Variants in DCPH1 observed in about 807,000 individuals in gnomAD.
DCPH1 encodes damage control phosphatase 1.
the DCPH1 span, among the ~76,000 whole-genome samples, chr6:151,463,883 A>G: frequency 6.6e-6 from 1 of 152,334 alleles, no homozygotes; most frequent in South Asian, 2.1e-4. Context: ...GCCATGCCAC[A>G]TATATCACCT....
At chr6:151,468,604 C>T in the DCPH1 span, 1 of 1,614,100 alleles carries the variant, frequency 6.2e-7, no homozygotes, top group Admixed American at 1.7e-5. Flanking sequence ...GTCCTCTGAA[C>T]TGGCTACTGA....
chr6:151,461,802 C>T, the DCPH1 span, among the ~76,000 whole-genome samples: 7 of 152,112 alleles, frequency 4.6e-5, no homozygotes, highest in African/African-American at 7.2e-5. Context: ...ACTGGTTCAG[C>T]GAACAGATTG....
At chr6:151,463,280 T>G in the DCPH1 span, among the ~76,000 whole-genome samples, 1 of 152,338 alleles carries the variant, frequency 6.6e-6, no homozygotes, top group African/African-American at 2.4e-5. Flanking sequence ...TATTTGGAAC[T>G]TCTTTCAGAG....
the DCPH1 span, chr6:151,468,480 G>A: frequency 5.0e-6 from 8 of 1,613,684 alleles, no homozygotes; most frequent in Non-Finnish European, 5.1e-6. Context: ...TTTGGTCATT[G>A]CTTAGCAATT....
chr6:151,460,794 C>CA, the DCPH1 span, among the ~76,000 whole-genome samples: 181 of 149,992 alleles, frequency 1.2e-3, 1 homozygote, highest in African/African-American at 4.1e-3. Flanking sequence ...AAAAAAAAAA[C>CA]AAAAAAACAA....
chr6:151,454,695 A>C, the DCPH1 span: 1 of 963,610 alleles, frequency 1.0e-6, no homozygotes, highest in Non-Finnish European at 1.6e-6. Context: ...TAATTTCTCA[A>C]CAGAAACATA....
the DCPH1 span, among the ~76,000 whole-genome samples, chr6:151,454,932 C>G: frequency 1.3e-5 from 2 of 152,276 alleles, no homozygotes; most frequent in Non-Finnish European, 2.9e-5. Context: ...AACAGACTTG[C>G]AATTGACTTA....
chr6:151,462,293 G>C, the DCPH1 span, among the ~76,000 whole-genome samples: 1 of 152,192 alleles, frequency 6.6e-6, no homozygotes, highest in East Asian at 1.9e-4. Flanking sequence ...CCCAGATCAA[G>C]AGACGGAACC....
chr6:151,455,672 C>G, the DCPH1 span, among the ~76,000 whole-genome samples: 4 of 152,162 alleles, frequency 2.6e-5, no homozygotes, highest in Non-Finnish European at 5.9e-5. Context: ...TGCCCAGGGA[C>G]GGGCAGGAGA....
At chr6:151,461,213 T>C in the DCPH1 span, among the ~76,000 whole-genome samples, 9 of 152,062 alleles carry the variant, frequency 5.9e-5, no homozygotes, top group Non-Finnish European at 1.3e-4. Flanking sequence ...GCATCTTGAG[T>C]GGGGTTGGTG....
the DCPH1 span, among the ~76,000 whole-genome samples, chr6:151,462,161 TTGAAAGA>T: frequency 6.6e-6 from 1 of 152,224 alleles, no homozygotes; most frequent in Admixed American, 6.5e-5. Context: ...ACTTCAGATA[TTGAAAGA>T]TGAAAGTACA....
the DCPH1 span, among the ~76,000 whole-genome samples, chr6:151,460,696 A>G: frequency 9.9e-5 from 15 of 152,010 alleles, no homozygotes; most frequent in African/African-American, 2.9e-4. Flanking sequence ...AGGCAGGAGA[A>G]TCACTTGAAC....
chr6:151,468,990 A>T, the DCPH1 span: 1 of 1,614,270 alleles, frequency 6.2e-7, no homozygotes, highest in South Asian at 1.1e-5. Context: ...CCATAAGAAC[A>T]TTAAAAGCTG....
At chr6:151,469,193 G>A in the DCPH1 span, 7 of 1,213,552 alleles carry the variant, frequency 5.8e-6, no homozygotes, top group African/African-American at 3.1e-5. Context: ...GAATTGAGTC[G>A]CCTGGCGGCT....
At chr6:151,452,639 G>T in the DCPH1 span, 1 of 1,571,108 alleles carries the variant, frequency 6.4e-7, no homozygotes, top group Non-Finnish European at 8.7e-7. Context: ...GCCTCGCCGG[G>T]AGCCTGTGGG....
chr6:151,455,445 G>C, the DCPH1 span, among the ~76,000 whole-genome samples: 1 of 152,206 alleles, frequency 6.6e-6, no homozygotes, highest in East Asian at 1.9e-4. Flanking sequence ...ACAATTGTGG[G>C]GAGAGGGTCA....
the DCPH1 span, chr6:151,458,484 A>C: frequency 1.2e-6 from 2 of 1,613,410 alleles, no homozygotes; most frequent in Admixed American, 3.3e-5. Context: ...TTTAAATGAA[A>C]GTGATGGAAA....
the DCPH1 span, chr6:151,468,532 ATTG>A: frequency 3.1e-6 from 5 of 1,613,922 alleles, no homozygotes; most frequent in African/African-American, 1.3e-5. Flanking sequence ...TAGAGTGTAT[ATTG>A]TTCTCGATAA....
the DCPH1 span, among the ~76,000 whole-genome samples, chr6:151,464,153 CCTT>C: frequency 2.6e-5 from 4 of 152,284 alleles, no homozygotes; most frequent in African/African-American, 9.6e-5. Context: ...TTATCTTTCT[CCTT>C]CTTGTGCCCT....
Sources: gnomAD v4.1 joint callset for allele counts (sites outside exome capture counted in the v4.1 genomes callset) on GRCh38, gnomAD v4.1.1 for gene constraint, MANE v1.5 for transcripts, NCBI Gene and HGNC (gene_info 2026-07-23, HGNC 2026-07-21) for gene names.